The following GABRB3 variants were observed in gnomAD, a reference collection of about 807,000 sequenced individuals.
GABRB3 encodes gamma-aminobutyric acid type A receptor subunit beta3.
Under a neutral mutation model 52.1 loss-of-function variants are expected in GABRB3, and 14 were observed. The observed-to-expected ratio is 0.27, with a 90% confidence interval of 0.18 to 0.42. GABRB3 has a LOEUF of 0.42. GABRB3 is among the 10% of genes least tolerant of loss of function. The pLI, the probability that GABRB3 is intolerant of heterozygous loss-of-function variation, is 1.00. For synonymous variants in GABRB3, 260 were observed against 232.3 expected, an observed-to-expected ratio of 1.12 and a Z score of -1.08; for missense variants, 307 against 609.1, an observed-to-expected ratio of 0.50 and a Z score of 5.22.
intron 3 of GABRB3, chr15:26,666,248 T>C (rs1887706837): frequency 6.6e-6 from 1 of 152,218 alleles, no homozygotes; most frequent in South Asian, 2.1e-4. Flanking sequence ...AGTACCATAT[T>C]ACTTATGGTC....
intron 3 of GABRB3, among the ~76,000 whole-genome samples, chr15:26,646,257 T>C (rs753285593): frequency 6.6e-6 from 1 of 152,168 alleles, no homozygotes; most frequent in Non-Finnish European, 1.5e-5. Flanking sequence ...CTAAGCCACT[T>C]TCTGGCTCTA....
chr15:26,554,209 A>ATTTT (rs1889666539), intron 8 of GABRB3, among the ~76,000 whole-genome samples: 1 of 99,796 alleles, frequency 1.0e-5, no homozygotes, highest in African/African-American at 3.8e-5. Context: ...ATATATATAT[A>ATTTT]GTAGAAACAA....
intron 3 of GABRB3, chr15:26,750,086 T>C (rs1291752628): frequency 6.6e-6 from 1 of 152,234 alleles, no homozygotes; most frequent in African/African-American, 2.4e-5. Context: ...CGATTTCTTC[T>C]TCCCCTGTGT....
intron 3 of GABRB3, among the ~76,000 whole-genome samples, chr15:26,735,307 T>C (rs1013019343): frequency 6.6e-6 from 1 of 152,236 alleles, no homozygotes; most frequent in African/African-American, 2.4e-5. Context: ...TAAAATGGTA[T>C]AGCCAATATG....
intron 3 of GABRB3, among the ~76,000 whole-genome samples, chr15:26,743,219 C>T (rs1363258041): frequency 1.3e-5 from 2 of 152,102 alleles, no homozygotes; most frequent in African/African-American, 2.4e-5. Flanking sequence ...TGAGCCACCG[C>T]GCCCAGCTGG....
At chr15:26,622,748 T>C (rs1892533976) in intron 3 of GABRB3, among the ~76,000 whole-genome samples, 1 of 152,142 alleles carries the variant, frequency 6.6e-6, no homozygotes, top group Non-Finnish European at 1.5e-5. Flanking sequence ...CTCAATAGTG[T>C]TGGAATATAG....
chr15:26,752,898 C>T (rs1011715315), intron 3 of GABRB3, among the ~76,000 whole-genome samples: 3 of 152,178 alleles, frequency 2.0e-5, no homozygotes, highest in Non-Finnish European at 4.4e-5. Context: ...CTGGGCAATG[C>T]TTTCCTTGAA....
At chr15:26,584,801 C>G (rs1890919619) in intron 4 of GABRB3, among the ~76,000 whole-genome samples, 1 of 152,194 alleles carries the variant, frequency 6.6e-6, no homozygotes, top group African/African-American at 2.4e-5. Context: ...TCTAGAACCC[C>G]ACCCTTTCCC....
intron 3 of GABRB3, among the ~76,000 whole-genome samples, chr15:26,644,613 G>A (rs537497983): frequency 6.6e-6 from 1 of 152,338 alleles, no homozygotes; most frequent in African/African-American, 2.4e-5. Context: ...CTCCGGAACT[G>A]TGAGGGAATG....
At chr15:26,584,926 G>A (rs1890925118) in intron 4 of GABRB3, among the ~76,000 whole-genome samples, 1 of 152,200 alleles carries the variant, frequency 6.6e-6, no homozygotes, top group African/African-American at 2.4e-5. Context: ...TGGAGCTAAA[G>A]AGACTCTCTT....
At chr15:26,592,083 G>A (rs1401684134) in intron 4 of GABRB3, among the ~76,000 whole-genome samples, 1 of 152,168 alleles carries the variant, frequency 6.6e-6, no homozygotes, top group Non-Finnish European at 1.5e-5. Context: ...TCAAATGCAT[G>A]GAACCCAGAG....
chr15:26,750,771 A>G (rs928248324), intron 3 of GABRB3, among the ~76,000 whole-genome samples: 4 of 151,966 alleles, frequency 2.6e-5, no homozygotes, highest in African/African-American at 9.7e-5. Flanking sequence ...GAAAGCCTGT[A>G]AAAAAACCTG....
intron 3 of GABRB3, among the ~76,000 whole-genome samples, chr15:26,632,076 G>T (rs1051083652): frequency 1.3e-5 from 2 of 152,206 alleles, no homozygotes; most frequent in South Asian, 4.1e-4. Context: ...CCTCCTACTG[G>T]CCCAGCAAGT....
At chr15:26,626,698 A>G (rs1480040135) in intron 3 of GABRB3, among the ~76,000 whole-genome samples, 2 of 152,208 alleles carry the variant, frequency 1.3e-5, no homozygotes, top group Non-Finnish European at 2.9e-5. Flanking sequence ...AATTCTGTGA[A>G]GGCTGAAAGA....
chr15:26,625,174 G>A lies in GABRB3; in HGVS notation c.241-3640C>T, dbSNP rs1000465501. Among the ~76,000 whole-genome samples the A allele has an allele frequency of 2.0e-5, 3 of 152,150 alleles. No homozygotes were observed. In the South Asian group the frequency reaches 6.3e-4, roughly 32 times the overall value. Reference sequence around the variant, plus strand: ...TCAATGTGGAAGCTCCAAGGGATGGGAGCTAAACAGTTCCTCACAATAAAG... The same window carrying A: ...TCAATGTGGAAGCTCCAAGGGATGGAAGCTAAACAGTTCCTCACAATAAAG... On this transcript the variant is annotated intron_variant, in intron 3 of 8. Coordinates refer to ENST00000311550, the MANE Select transcript of GABRB3 (RefSeq NM_000814.6).
intron 4 of GABRB3, among the ~76,000 whole-genome samples, chr15:26,616,738 A>T (rs866459598): frequency 3.7e-4 from 56 of 152,292 alleles, no homozygotes; most frequent in African/African-American, 1.2e-3. Context: ...AAGGCTTATT[A>T]TTACATTATT....
At chr15:26,577,580 C>T (rs991372932) in intron 6 of GABRB3, among the ~76,000 whole-genome samples, 1 of 152,238 alleles carries the variant, frequency 6.6e-6, no homozygotes. Flanking sequence ...CAACTTGGTA[C>T]ATCATAGTTT....
At chr15:26,684,356 G>A (rs528632863) in intron 3 of GABRB3, among the ~76,000 whole-genome samples, 54 of 152,268 alleles carry the variant, frequency 3.5e-4, no homozygotes, top group African/African-American at 1.1e-3. Context: ...AGCTGAAGGC[G>A]GTCAATCTAG....
intron 3 of GABRB3, among the ~76,000 whole-genome samples, chr15:26,750,602 T>G (rs1298453397): frequency 6.6e-6 from 1 of 152,200 alleles, no homozygotes; most frequent in African/African-American, 2.4e-5. Flanking sequence ...GAATTAAGAT[T>G]AACTAAAATG....
Sources: gnomAD v4.1 joint callset for allele counts (sites outside exome capture counted in the v4.1 genomes callset) on GRCh38, gnomAD v4.1.1 for gene constraint, MANE v1.5 for transcripts, NCBI Gene and HGNC (gene_info 2026-07-23, HGNC 2026-07-21) for gene names.